SHANK2: variants seen among roughly 807,000 people sequenced by gnomAD.
SHANK2 encodes SH3 and multiple ankyrin repeat domains 2, also known as SH3 and multiple ankyrin repeat domains protein 2.
SHANK2 carries 43 observed loss-of-function variants against 133.7 expected under a neutral mutation model. That is an observed-to-expected ratio of 0.32 (90% CI 0.25 to 0.41). The LOEUF is 0.41. Among genes scored for constraint, SHANK2 ranks in the 10% least tolerant of loss-of-function variants. The probability of loss-of-function intolerance (pLI) is 1.00; values close to 1 mark genes in which losing one functional copy is unlikely to be tolerated. For synonymous variants in SHANK2, 1,017 were observed against 952.8 expected (o/e 1.07, Z -1.24); for missense variants, 1,994 against 2,235.8 (o/e 0.89, Z 2.18).
At chr11:71,209,156 A>T (rs909350589) in intron 2 of SHANK2, among the ~76,000 whole-genome samples, 2 of 152,152 alleles carry the variant, frequency 1.3e-5, no homozygotes, top group Non-Finnish European at 2.9e-5. Context: ...GCTGGTCAGG[A>T]ACCAGCCAGG....
At chr11:70,939,032 AG>A (rs1333868482) in intron 10 of SHANK2, among the ~76,000 whole-genome samples, 1 of 150,142 alleles carries the variant, frequency 6.7e-6, no homozygotes, top group Non-Finnish European at 1.5e-5. Context: ...GCAGGGACAG[AG>A]GGAGGCAGAC....
At chr11:71,145,977 C>G (rs181104304) in intron 3 of SHANK2, among the ~76,000 whole-genome samples, 19 of 152,214 alleles carry the variant, frequency 1.2e-4, no homozygotes, top group Non-Finnish European at 2.9e-5. Context: ...GAGACTGTGA[C>G]GAGCCTCACC....
chr11:70,641,712 G>C (rs969096764), intron 17 of SHANK2, among the ~76,000 whole-genome samples: 4 of 152,366 alleles, frequency 2.6e-5, no homozygotes, highest in Admixed American at 2.6e-4. Context: ...TGCCCGACTT[G>C]AGAGGGGCAA....
At chr11:70,651,148 C>G (rs1360274031) in intron 17 of SHANK2, among the ~76,000 whole-genome samples, 1 of 152,214 alleles carries the variant, frequency 6.6e-6, no homozygotes, top group Non-Finnish European at 1.5e-5. Flanking sequence ...TCCTCTCTGC[C>G]TCTCTCCAAC....
chr11:70,538,253 G>A (rs2059569925), intron 17 of SHANK2, among the ~76,000 whole-genome samples: 1 of 152,204 alleles, frequency 6.6e-6, no homozygotes, highest in Admixed American at 6.5e-5. Context: ...GTCCCCGGGC[G>A]CTGACCTCTT....
intron 10 of SHANK2, among the ~76,000 whole-genome samples, chr11:70,947,710 T>C (rs931699923): frequency 2.0e-5 from 3 of 152,166 alleles, no homozygotes; most frequent in Admixed American, 1.3e-4. Context: ...TAAATACCCA[T>C]GTGCGTCCTG....
chr11:70,893,068 C>CA (rs1282343168), intron 11 of SHANK2, among the ~76,000 whole-genome samples: 5 of 152,238 alleles, frequency 3.3e-5, no homozygotes, highest in Non-Finnish European at 7.3e-5. Flanking sequence ...CCCCAAATGC[C>CA]ATGTCGCCTA....
chr11:70,809,428 A>G (rs1948233414), intron 12 of SHANK2, among the ~76,000 whole-genome samples: 1 of 152,124 alleles, frequency 6.6e-6, no homozygotes, highest in African/African-American at 2.4e-5. Flanking sequence ...CATTTAACAT[A>G]AGCCTCCCCC....
At chr11:71,251,576 G>T (rs1318059100) in intron 1 of SHANK2, among the ~76,000 whole-genome samples, 2 of 151,542 alleles carry the variant, frequency 1.3e-5, no homozygotes, top group Admixed American at 6.6e-5. Flanking sequence ...GAGGAGGGAT[G>T]CCCGGGCGAA....
chr11:70,688,064 A>G (rs917507394), intron 15 of SHANK2, among the ~76,000 whole-genome samples: 9 of 152,194 alleles, frequency 5.9e-5, no homozygotes, highest in Non-Finnish European at 1.3e-4. Flanking sequence ...GGCCCCACAG[A>G]AAAGGCCGTC....
intron 17 of SHANK2, among the ~76,000 whole-genome samples, chr11:70,511,828 C>T (rs2059208151): frequency 1.3e-5 from 2 of 152,210 alleles, no homozygotes; most frequent in South Asian, 4.1e-4. Context: ...ATGGGCATAC[C>T]TGCCTTCCTT....
chr11:71,222,578 G>A (rs1476314640), intron 2 of SHANK2, among the ~76,000 whole-genome samples: 1 of 152,238 alleles, frequency 6.6e-6, no homozygotes, highest in Non-Finnish European at 1.5e-5. Context: ...TGCACGCCAT[G>A]GTTGTTAGCT....
chr11:70,938,438 C>A (rs535030802), intron 10 of SHANK2, among the ~76,000 whole-genome samples: 1 of 152,348 alleles, frequency 6.6e-6, no homozygotes, highest in East Asian at 1.9e-4. Flanking sequence ...TGAAAACTTA[C>A]ATGCAGCTCT....
chr11:71,130,271 G>A (rs1181002393), intron 3 of SHANK2, among the ~76,000 whole-genome samples: 14 of 152,180 alleles, frequency 9.2e-5, no homozygotes, highest in African/African-American at 3.4e-4. Flanking sequence ...ACCTGCCTGT[G>A]TTGGGACACG....
intron 17 of SHANK2, among the ~76,000 whole-genome samples, chr11:70,544,437 G>A (rs984271284): frequency 6.6e-6 from 1 of 152,242 alleles, no homozygotes; most frequent in Non-Finnish European, 1.5e-5. Flanking sequence ...TACTGCCCCT[G>A]TCTGTCCCTG....
At chr11:71,149,845 A>G in intron 2 of SHANK2, among the ~76,000 whole-genome samples, 1 of 109,350 alleles carries the variant, frequency 9.1e-6, no homozygotes, top group African/African-American at 3.6e-5. Context: ...GGAAGGAGAA[A>G]GGAGGGAGGG....
intron 11 of SHANK2, among the ~76,000 whole-genome samples, chr11:70,847,505 C>A (rs559738866): frequency 1.3e-5 from 2 of 152,294 alleles, no homozygotes; most frequent in East Asian, 3.9e-4. Flanking sequence ...AGATCCCCTG[C>A]CAGGGAGGGT....
chr11:70,750,810 C>A (rs149562724), intron 14 of SHANK2, among the ~76,000 whole-genome samples: 139 of 152,278 alleles, frequency 9.1e-4, no homozygotes, highest in Non-Finnish European at 1.6e-3. Flanking sequence ...ATCTCAATCG[C>A]AAGCCAAGGG....
intron 17 of SHANK2, among the ~76,000 whole-genome samples, chr11:70,573,082 G>A (rs1416501591): frequency 1.3e-5 from 2 of 152,028 alleles, no homozygotes; most frequent in South Asian, 4.2e-4. Flanking sequence ...ACGGACTGCC[G>A]GAACACACAC....
Sources: gnomAD v4.1 joint callset for allele counts (sites outside exome capture counted in the v4.1 genomes callset) on GRCh38, gnomAD v4.1.1 for gene constraint, MANE v1.5 for transcripts, NCBI Gene and HGNC (gene_info 2026-07-23, HGNC 2026-07-21) for gene names.